FAM120A: variants seen among roughly 807,000 people sequenced by gnomAD.
FAM120A encodes the protein constitutive coactivator of PPAR-gamma-like protein 1.
A neutral mutation model predicts 109.7 loss-of-function variants in FAM120A; 15 were observed. The observed-to-expected ratio is 0.14, with a 90% CI of 0.09 to 0.21. FAM120A has a LOEUF of 0.21. FAM120A is among the 10% of genes least tolerant of loss of function. The pLI, the probability that FAM120A is intolerant of heterozygous loss-of-function variation, is 1.00. For synonymous variants in FAM120A, 493 were observed against 572.8 expected (o/e 0.86, Z 1.99); for missense variants, 899 against 1,439.3 (o/e 0.62, Z 6.07).
At chr9:93,514,340 G>T (rs1357297823) in intron 5 of FAM120A, among the ~76,000 whole-genome samples, 2 of 152,186 alleles carry the variant, frequency 1.3e-5, no homozygotes, top group Middle Eastern at 3.2e-3. Context: ...TTTGGGTGGG[G>T]ATGTGCAGCC....
At chr9:93,546,894 C>T (rs1042590661) in intron 11 of FAM120A, among the ~76,000 whole-genome samples, 1 of 152,206 alleles carries the variant, frequency 6.6e-6, no homozygotes, top group South Asian at 2.1e-4. Context: ...GGTGGAACCC[C>T]ACAGAAGGGG....
At chr9:93,539,805 C>T (rs1861632884) in intron 10 of FAM120A, among the ~76,000 whole-genome samples, 2 of 152,212 alleles carry the variant, frequency 1.3e-5, no homozygotes, top group African/African-American at 4.8e-5. Flanking sequence ...GAGAGAAGAG[C>T]AGCAGACATT....
At chr9:93,509,865 C>T (rs1588860239) in intron 5 of FAM120A, among the ~76,000 whole-genome samples, 1 of 152,148 alleles carries the variant, frequency 6.6e-6, no homozygotes, top group Non-Finnish European at 1.5e-5. Flanking sequence ...GTACAGACCC[C>T]TTGAACATGT....
intron 3 of FAM120A, among the ~76,000 whole-genome samples, chr9:93,491,111 C>T (rs950632901): frequency 4.6e-5 from 7 of 152,186 alleles, no homozygotes; most frequent in Admixed American, 1.3e-4. Flanking sequence ...GCTCACCCTG[C>T]GTGGCCACAG....
intron 15 of FAM120A, among the ~76,000 whole-genome samples, chr9:93,559,606 G>A (rs1034226956): frequency 6.6e-6 from 1 of 152,220 alleles, no homozygotes; most frequent in African/African-American, 2.4e-5. Flanking sequence ...TGCCTCCTCT[G>A]TCTGCCCACC....
intron 12 of FAM120A, among the ~76,000 whole-genome samples, chr9:93,555,231 G>A (rs535364984): frequency 6.6e-6 from 1 of 152,280 alleles, no homozygotes; most frequent in South Asian, 2.1e-4. Flanking sequence ...GGAGGAGCTG[G>A]TGATGTACAA....
chr9:93,459,904 AAG>A lies in FAM120A; in HGVS notation c.474+7517_474+7518del, dbSNP rs1171864198. Among the ~76,000 whole-genome samples, 4 of 152,250 alleles carry A rather than the reference AAG, an allele frequency of 2.6e-5. No individual in the cohort carries two copies. The East Asian group carries it at 7.7e-4, about 29-fold the overall frequency. ...AGGAAATCTTGGTATGAGCAAATCA[AAG>A]AATTATAAGCTTTATGCCTTTGTAA... On this transcript the variant is annotated intron_variant, in intron 1 of 17. Coordinates refer to ENST00000277165, the MANE Select transcript of FAM120A (RefSeq NM_014612.5).
At chr9:93,504,347 TA>T (rs923636339) in intron 5 of FAM120A, among the ~76,000 whole-genome samples, 19 of 152,092 alleles carry the variant, frequency 1.2e-4, no homozygotes, top group African/African-American at 4.6e-4. Context: ...TTTTTACCTG[TA>T]AAAAAAATGA....
In FAM120A at chr9:93,566,104, T is replaced by G. The variant is rs1862622076; in HGVS notation, c.*1564T>G. On this transcript the variant is annotated 3_prime_UTR_variant, in exon 18 of 18. Transcript: ENST00000277165. Reference sequence around the variant, plus strand: ...TGCTTAATAAAAATCTTTATTCTTTTAGTATAAAGTATGGCGTGGCTTTTA... The same window carrying G: ...TGCTTAATAAAAATCTTTATTCTTTGAGTATAAAGTATGGCGTGGCTTTTA... The G allele has an allele frequency of 6.5e-6, 1 of 152,684 alleles. No individual in the cohort carries two copies. The highest frequency in any genetic ancestry group is 6.5e-5 in the Admixed American group (1 of 15,278). The allele number at this position is 152,684 out of a possible 1,614,324, so 9.5% of individuals were successfully genotyped here.
intron 3 of FAM120A, among the ~76,000 whole-genome samples, chr9:93,486,415 G>A (rs781553671): frequency 2.6e-5 from 4 of 151,992 alleles, no homozygotes; most frequent in Non-Finnish European, 5.9e-5. Context: ...GAACATTTGT[G>A]TATAAGTTTT....
chr9:93,463,446 T>G (rs764375413), intron 1 of FAM120A, among the ~76,000 whole-genome samples: 51 of 152,380 alleles, frequency 3.3e-4, no homozygotes, highest in Middle Eastern at 3.4e-3. Context: ...TTTAGAGGCA[T>G]TGCTGCTATG....
At chr9:93,537,951 A>G (rs1038600059) in intron 10 of FAM120A, among the ~76,000 whole-genome samples, 1 of 152,102 alleles carries the variant, frequency 6.6e-6, no homozygotes, top group Non-Finnish European at 1.5e-5. Context: ...AGCACAACAG[A>G]TGATTGCTTA....
At chr9:93,490,066 A>G (rs1444052545) in intron 3 of FAM120A, among the ~76,000 whole-genome samples, 1 of 152,196 alleles carries the variant, frequency 6.6e-6, no homozygotes, top group African/African-American at 2.4e-5. Flanking sequence ...AAGTCAGGAA[A>G]TTTGAAGGGT....
Position 93,500,120 on chromosome 9 carries a change from C to A in FAM120A, c.1030+1234C>A, listed in dbSNP as rs1859737236. On this transcript the variant is annotated intron_variant, in intron 5 of 17. Transcript: ENST00000277165. The surrounding 1 kb of genome is among the most constrained non-coding windows in gnomAD (Gnocchi z 4.6). ...AGCCTCCCAGTGGGGCTCTTTGCTG[C>A]TCTCTTGCTCCCCTGCAATCCATTT... Among the ~76,000 whole-genome samples the A allele has an allele frequency of 1.3e-5, 2 of 152,254 alleles. No homozygotes were observed.
chr9:93,482,184 A>ATTTTTTT lies in FAM120A; in HGVS notation c.804+5859_804+5865dup, dbSNP rs386415495. On this transcript the variant is annotated intron_variant, in intron 3 of 17. Transcript: ENST00000277165. ...CAAGAAAACTTTTAGATTCACCTCC[A>ATTTTTTT]TTTTTTTTTTTTTTTTTTTGGGAGA... Among the ~76,000 whole-genome samples the ATTTTTTT allele has an allele frequency of 3.8e-4, 45 of 118,308 alleles. 1 individual carries two copies. Among genetic ancestry groups the ATTTTTTT allele is most frequent in the Non-Finnish European group, 5.1e-4 (29 of 57,012 alleles). 77.6% of individuals were successfully genotyped at this position (118,308 alleles called of 152,430 possible). A position where few individuals can be genotyped will look rare whatever the true frequency, so the allele number is the denominator to read the frequency against.
chr9:93,514,428 A>C (rs1169893031), intron 5 of FAM120A, among the ~76,000 whole-genome samples: 1 of 152,232 alleles, frequency 6.6e-6, no homozygotes, highest in Non-Finnish European at 1.5e-5. Context: ...TGGAGTCAGC[A>C]AGCTCTGGGC....
chr9:93,481,258 G>A (rs1301184419), intron 3 of FAM120A, among the ~76,000 whole-genome samples: 1 of 152,232 alleles, frequency 6.6e-6, no homozygotes, highest in Non-Finnish European at 1.5e-5. Context: ...TTTAAAAATT[G>A]TATGATTTTG....
chr9:93,496,553 C>T (rs1485198877), intron 3 of FAM120A, among the ~76,000 whole-genome samples: 4 of 152,196 alleles, frequency 2.6e-5, no homozygotes, highest in Admixed American at 6.5e-5. Flanking sequence ...GCCCGTCCAG[C>T]CTCGAGCATC....
At chr9:93,492,114 C>T (rs1054754628) in intron 3 of FAM120A, among the ~76,000 whole-genome samples, 14 of 151,478 alleles carry the variant, frequency 9.2e-5, no homozygotes. Flanking sequence ...TGTTTTTTTC[C>T]CACTTGTAAG....
Sources: gnomAD v4.1 joint callset for allele counts (sites outside exome capture counted in the v4.1 genomes callset) on GRCh38, gnomAD v4.1.1 for gene constraint, Gnocchi (gnomAD v3.1) non-coding constraint, MANE v1.5 for transcripts, NCBI Gene and HGNC (gene_info 2026-07-23, HGNC 2026-07-21) for gene names.